NWD1: variants seen among roughly 807,000 people sequenced by gnomAD.
NWD1 encodes NACHT and WD repeat domain containing 1.
In NWD1, 129 loss-of-function variants were observed where a neutral mutation model predicts 135.1. The ratio of observed to expected loss-of-function variants is 0.96; its 90% CI spans 0.83 to 1.11. The LOEUF (loss-of-function observed/expected upper bound fraction) is 1.11, where lower values mean the gene tolerates loss of function less well. Among genes scored for constraint, NWD1 ranks in the 50% least tolerant of loss-of-function variants. The pLI is 0.00. For synonymous variants in NWD1, 773 were observed against 786.0 expected (o/e 0.98, Z 0.28); for missense variants, 1,740 against 1,851.3 (o/e 0.94, Z 1.10).
intron 5 of NWD1, among the ~76,000 whole-genome samples, chr19:16,747,516 G>T (rs1178029599): frequency 6.6e-6 from 1 of 151,508 alleles, no homozygotes; most frequent in African/African-American, 2.4e-5. Flanking sequence ...AGCTGGGACC[G>T]CAGTCACACG....
At chr19:16,764,939 T>A (rs560248721) in intron 9 of NWD1, 95 bp from the exon 10 acceptor site, 12 of 1,337,096 alleles carry the variant, frequency 9.0e-6, no homozygotes, top group African/African-American at 1.4e-5. Flanking sequence ...GAGCCTGAGA[T>A]GCCCTGGAGG....
intron 12 of NWD1, among the ~76,000 whole-genome samples, chr19:16,788,687 A>AT (rs1446155645): frequency 6.6e-6 from 1 of 151,642 alleles, no homozygotes; most frequent in Non-Finnish European, 1.5e-5. Context: ...TTGCAGATGT[A>AT]TTTTTTCTGT....
At chr19:16,750,577 C>T (rs1968536957) in intron 6 of NWD1, among the ~76,000 whole-genome samples, 166 bp downstream of exon 6, 1 of 149,828 alleles carries the variant, frequency 6.7e-6, no homozygotes, top group African/African-American at 2.5e-5. Flanking sequence ...GCCTCACCTG[C>T]TGAGTAGCTG....
intron 7 of NWD1, among the ~76,000 whole-genome samples, chr19:16,760,454 C>G (rs1230809494): frequency 1.3e-5 from 2 of 151,668 alleles, no homozygotes; most frequent in African/African-American, 4.8e-5. Context: ...GAGATGGGGT[C>G]TCACCACATT....
intron 10 of NWD1, among the ~76,000 whole-genome samples, chr19:16,771,354 G>C (rs1362149754): frequency 6.6e-6 from 1 of 152,156 alleles, no homozygotes; most frequent in Non-Finnish European, 1.5e-5. Flanking sequence ...GGAGGCTGAG[G>C]CACGAAAATT....
rs1241181285 is a variant in NWD1 at position 16,744,553 on chromosome 19, G to C, written c.331G>C (p.Asp111His). 4 of 1,535,656 alleles carry C rather than the reference G, an allele frequency of 2.6e-6. No individual in the cohort carries two copies. The highest frequency in any genetic ancestry group is 3.5e-6 in the Non-Finnish European group (4 of 1,146,744). ...LELVARYFQR[D>H]ENAFPPTYVL... The stretch of plus-strand genomic sequence containing the variant: ...GCTGGTGGCACGATACTTCCAGAGG[G>C]ACGAGAATGCGTTTCCTCCCACCTA... Residue 111 changes from aspartate to histidine, a missense_variant, in exon 5 of 19, where the codon GAC (aspartate) becomes CAC (histidine). Asp to His is a moderately conservative substitution (Grantham distance 81). Transcript: ENST00000524140.
rs1353857136 is a variant in NWD1, at chr19:16,757,136, C to T, written c.1770-2089C>T. ...AAATAAAGTGTGCAAGTGTGATGCA[C>T]TTGATCATCCCAAAACCATCACCCC... On this transcript the variant is annotated intron_variant, in intron 6 of 18. Coordinates refer to ENST00000524140, the MANE Select transcript of NWD1 (RefSeq NM_001007525.5). 3.3e-5 allele frequency among the ~76,000 whole-genome samples: 5 copies of T among 152,226 alleles called. No homozygotes were observed. In the East Asian group the frequency reaches 7.7e-4, roughly 23 times the overall value.
rs538161397 is a variant in NWD1, at chr19:16,805,467, T to C, written c.3737-2119T>C. 3.3e-5 allele frequency among the ~76,000 whole-genome samples: 5 copies of C among 152,194 alleles called. No homozygotes were observed. The East Asian group carries it at 9.7e-4, about 29-fold the overall frequency. ...CCTCAGCCTCCCAAAGTGCTGGGAT[T>C]AGAGGCGCACACCACCATACCTGGT... On this transcript the variant is annotated intron_variant, in intron 17 of 18. Transcript: ENST00000524140.
intron 18 of NWD1, among the ~76,000 whole-genome samples, chr19:16,810,023 C>A (rs1445100692): frequency 6.6e-6 from 1 of 152,138 alleles, no homozygotes; most frequent in South Asian, 2.1e-4. Context: ...ACACAGTGAG[C>A]TCTGTCTGGG....
intron 15 of NWD1, among the ~76,000 whole-genome samples, chr19:16,794,780 T>C (rs927771841): frequency 2.0e-5 from 3 of 152,162 alleles, no homozygotes; most frequent in Admixed American, 6.6e-5. Flanking sequence ...ACTATTTTTC[T>C]ATTATTTTTC....
At chr19:16,758,740 T>G (rs1220377844) in intron 6 of NWD1, among the ~76,000 whole-genome samples, 6 of 152,042 alleles carry the variant, frequency 3.9e-5, no homozygotes, top group African/African-American at 1.4e-4. Flanking sequence ...TCTGTAGGTG[T>G]GCATGCAGAG....
rs542633232 is a variant in NWD1, at chr19:16,749,560, G to T, written c.918G>T (p.Ser306=). The T allele has an allele frequency of 1.2e-6, 2 of 1,613,458 alleles. No individual in the cohort carries two copies. Among genetic ancestry groups the T allele is most frequent in the Non-Finnish European group, 1.7e-6 (2 of 1,179,500 alleles). ...TCCGCCACCACCTTTGGCAGAGCTC[G>T]GAGGTCATTCAGACCTTCTGCGGAC... The part of the protein sequence containing the change: ...QEIRHHLWQS[S]EVIQTFCGRQ... Residue 306 remains serine (S), a synonymous_variant, in exon 6 of 19, where the codon TCG becomes TCT. Coordinates refer to ENST00000524140, the MANE Select transcript of NWD1 (RefSeq NM_001007525.5).
chr19:16,792,217 G>A (rs1332700094), intron 14 of NWD1, among the ~76,000 whole-genome samples: 1 of 152,144 alleles, frequency 6.6e-6, no homozygotes, highest in South Asian at 2.1e-4. Flanking sequence ...CCCTGTTGGT[G>A]GTTGGTGGAC....
chr19:16,725,371 G>A (rs1021397938), intron 2 of NWD1, among the ~76,000 whole-genome samples: 22 of 150,976 alleles, frequency 1.5e-4, no homozygotes, highest in African/African-American at 5.1e-4. Flanking sequence ...CCAGCTACTT[G>A]GGAGGCTGAG....
chr19:16,776,091 A>AT (rs1178378299), intron 11 of NWD1, among the ~76,000 whole-genome samples: 1 of 152,164 alleles, frequency 6.6e-6, no homozygotes, highest in East Asian at 1.9e-4. Context: ...TAGTGCTGTG[A>AT]TTGATTAATG....
At chr19:16,778,166 T>G (rs931762993) in intron 11 of NWD1, among the ~76,000 whole-genome samples, 2 of 152,116 alleles carry the variant, frequency 1.3e-5, no homozygotes, top group Non-Finnish European at 2.9e-5. Flanking sequence ...ATTTTACACA[T>G]GTGGAAGAGG....
At chr19:16,793,982 C>G (rs1031850320) in intron 14 of NWD1, among the ~76,000 whole-genome samples, 2 of 152,192 alleles carry the variant, frequency 1.3e-5, no homozygotes, top group Non-Finnish European at 2.9e-5. Context: ...GCCTCCAACT[C>G]CTAGGGGCAC....
At chr19:16,753,878 C>A (rs924705289) in intron 6 of NWD1, among the ~76,000 whole-genome samples, 1 of 142,674 alleles carries the variant, frequency 7.0e-6, no homozygotes, top group Non-Finnish European at 1.5e-5. Flanking sequence ...TTCATCAATT[C>A]GACCTTTCAT....
At chr19:16,721,505 T>C (rs538429345) in intron 1 of NWD1, 74 of 152,206 alleles carry the variant, frequency 4.9e-4, no homozygotes, top group African/African-American at 1.6e-3. Flanking sequence ...TGGAGGCAAA[T>C]TCAAGATCAG....
Sources: allele counts gnomAD v4.1 joint callset (sites outside exome capture counted in the v4.1 genomes callset), GRCh38; gene constraint gnomAD v4.1.1; transcripts MANE v1.5; gene names NCBI Gene and HGNC (gene_info 2026-07-23, HGNC 2026-07-21).